Variants in SMC1B observed in about 807,000 individuals in gnomAD.
The protein encoded by SMC1B is structural maintenance of chromosomes 1B.
A neutral mutation model predicts 157.9 loss-of-function variants in SMC1B; 60 were observed. The ratio of observed to expected loss-of-function variants is 0.38; its 90% CI spans 0.31 to 0.47. The LOEUF is 0.47. Ranked by LOEUF, SMC1B falls within the 20% of genes least tolerant of loss-of-function variation. The pLI is 0.99. For missense variants in SMC1B, 1,165 were observed against 1,426.2 expected (o/e 0.82, Z 2.95); for synonymous variants, 445 against 483.0 (o/e 0.92, Z 1.03).
intron 15 of SMC1B, among the ~76,000 whole-genome samples, chr22:45,365,347 G>C (rs2086765312): frequency 6.6e-6 from 1 of 152,142 alleles, no homozygotes; most frequent in African/African-American, 2.4e-5. Flanking sequence ...AGAATACACA[G>C]TGAATAAGCC....
chr22:45,383,435 A>G (rs777703009), intron 12 of SMC1B, 32 bp downstream of exon 12: 3 of 1,535,514 alleles, frequency 2.0e-6, no homozygotes, highest in African/African-American at 2.8e-5. Flanking sequence ...TATTCTACTT[A>G]GTATATTACA....
intron 1 of SMC1B, 21 bp downstream of exon 1, chr22:45,413,438 C>A: frequency 6.4e-7 from 1 of 1,564,830 alleles, no homozygotes; most frequent in South Asian, 1.2e-5. Flanking sequence ...GCTCCGGTGG[C>A]GCCCTGAGCT....
At chr22:45,345,348 T>A in intron 24 of SMC1B, 111 bp downstream of exon 24, 1 of 580,158 alleles carries the variant, frequency 1.7e-6, no homozygotes, top group Non-Finnish European at 3.1e-6. Flanking sequence ...AAAAAGTCAT[T>A]TCAGCATTAG....
rs147727735 is a variant in SMC1B, at chr22:45,380,328, C to T, written c.2058+3139G>A. On this transcript the variant is annotated intron_variant, in intron 12 of 24. Coordinates refer to ENST00000357450, the MANE Select transcript of SMC1B (RefSeq NM_148674.5). Reference sequence around the variant, plus strand: ...TTATTGTGGGCCCTTTCCCACCAAACGTACGTGAAACTCTGTGTGTCCTTT... The same window carrying T: ...TTATTGTGGGCCCTTTCCCACCAAATGTACGTGAAACTCTGTGTGTCCTTT... Among the ~76,000 whole-genome samples, 546 of 152,224 alleles carry T rather than the reference C, an allele frequency of 3.6e-3. 5 individuals are homozygous for T. The highest frequency in any genetic ancestry group is 0.013 in the African/African-American group (524 of 41,548).
chr22:45,356,727 C>CTT (rs1174032906), intron 19 of SMC1B, among the ~76,000 whole-genome samples: 84 of 126,416 alleles, frequency 6.6e-4, no homozygotes, highest in African/African-American at 1.5e-3. Context: ...TTTTTCTTTT[C>CTT]TTTTTTTTTT....
At chr22:45,366,398 G>A (rs1023514314) in intron 15 of SMC1B, among the ~76,000 whole-genome samples, 5 of 152,114 alleles carry the variant, frequency 3.3e-5, no homozygotes, top group African/African-American at 1.2e-4. Flanking sequence ...GTCTAAATAA[G>A]AGGTCCAGGC....
intron 5 of SMC1B, among the ~76,000 whole-genome samples, chr22:45,400,666 G>C (rs543763410): frequency 8.5e-5 from 13 of 152,156 alleles, no homozygotes; most frequent in East Asian, 3.9e-4. Flanking sequence ...AAAGATTATA[G>C]TATGAAAAGG....
rs1450658100 is a variant in SMC1B, at chr22:45,361,958, C to T, written c.2589G>A (p.Val863=). 1.9e-6 allele frequency: 3 copies of T among 1,614,062 alleles called. No homozygotes were observed. The highest frequency in any genetic ancestry group is 1.1e-5 in the South Asian group (1 of 91,052). The part of the protein sequence containing the change: ...KKAEENCLQT[V]NELMAKQQQL... ...GCTGCTGCTTTGCCATGAGTTCATT[C>T]ACTGTCTGCAGACAGTTTTCTTCAG... The change falls in exon 17 of 25, where the codon GTG becomes GTA. Residue 863 remains valine (V), a synonymous_variant. Coordinates refer to ENST00000357450, the MANE Select transcript of SMC1B (RefSeq NM_148674.5).
intron 17 of SMC1B, 34 bp downstream of exon 17, chr22:45,361,805 A>C: frequency 6.2e-7 from 1 of 1,600,394 alleles, no homozygotes; most frequent in Non-Finnish European, 8.5e-7. Context: ...TAAAACTCTG[A>C]CTAGGTCTTT....
chr22:45,394,543 G>T, intron 8 of SMC1B, 142 bp downstream of exon 8: 1 of 978,896 alleles, frequency 1.0e-6, no homozygotes, highest in Admixed American at 4.4e-5. Flanking sequence ...GGCTGAGGTA[G>T]GAGCGTCATG....
chr22:45,366,999 C>T lies in SMC1B; in HGVS notation c.2420+2955G>A, dbSNP rs549709483. Among the ~76,000 whole-genome samples, 11 of 152,272 alleles carry T rather than the reference C, an allele frequency of 7.2e-5. 1 individual carries two copies. The highest frequency in any genetic ancestry group is 7.2e-4 in the Admixed American group (11 of 15,290). ...GCATTTCAATCTCTTTGTTAAGCTT[C>T]TCCGATAAATTTCTGAGTTGCTTTT... On this transcript the variant is annotated intron_variant, in intron 15 of 24. Transcript: ENST00000357450.
chr22:45,413,090 G>A (rs984176666), intron 1 of SMC1B, among the ~76,000 whole-genome samples: 1 of 152,096 alleles, frequency 6.6e-6, no homozygotes, highest in Non-Finnish European at 1.5e-5. Context: ...CTGAGATGAA[G>A]GGCGAGGGCC....
chr22:45,356,930 G>A (rs1367380189), intron 19 of SMC1B, among the ~76,000 whole-genome samples: 1 of 151,710 alleles, frequency 6.6e-6, no homozygotes, highest in Non-Finnish European at 1.5e-5. Context: ...ACAGGGTTTC[G>A]TCATGTTGGC....
Position 45,399,287 on chromosome 22 carries a change from G to T in SMC1B, c.921C>A (p.His307Gln). 6.2e-7 allele frequency: 1 copy of T among 1,613,856 alleles called. No homozygotes were observed. The highest frequency in any genetic ancestry group is 8.5e-7 in the Non-Finnish European group (1 of 1,179,774). The stretch of plus-strand genomic sequence containing the variant: ...TAGCCACATCTAATTTCTTAAGGTG[G>T]TGAGAAGTGTTTTCTTTGGCTTTAA... ...QYIKAKENTS[H>Q]HLKKLDVAKK... is the part of the protein sequence containing the mutation. The change falls in exon 6 of 25, where the codon CAC becomes CAA. Residue 307 changes from histidine to glutamine, a missense_variant. Coordinates refer to ENST00000357450, the MANE Select transcript of SMC1B (RefSeq NM_148674.5).
At position 45,389,001 on chromosome 22, in the gene SMC1B, A is replaced by AAAAG. The variant is rs2087025345; in HGVS notation, c.1731+707_1731+710dup. On this transcript the variant is annotated intron_variant, in intron 10 of 24. Transcript: ENST00000357450. ...GACTCTGCCTCAAAAAAAAAAAAAA[A>AAAAG]AAAGAAAAAGAAAAAAGAAAAAAAA... is the stretch of plus-strand genomic sequence containing the variant. Among the ~76,000 whole-genome samples the AAAAG allele has an allele frequency of 2.8e-5, 4 of 143,140 alleles. 1 individual carries two copies. Among genetic ancestry groups the AAAAG allele is most frequent in the African/African-American group, 1.2e-4 (4 of 34,066 alleles). The allele number at this position is 143,140 out of a possible 152,430, so 93.9% of individuals were successfully genotyped here. A position where few individuals can be genotyped will look rare whatever the true frequency, so the allele number is the denominator to read the frequency against.
intron 19 of SMC1B, among the ~76,000 whole-genome samples, chr22:45,356,876 C>T (rs112600039): frequency 0.019 from 2,852 of 151,798 alleles, 107 homozygotes; most frequent in African/African-American, 0.065. Flanking sequence ...ATTACAGGCA[C>T]GTGCCACTGT....
chr22:45,381,879 T>C (rs9614465), intron 12 of SMC1B, among the ~76,000 whole-genome samples: 2,675 of 152,298 alleles, frequency 0.018, 30 homozygotes, highest in Non-Finnish European at 0.026. Flanking sequence ...CCAAAATATA[T>C]GCTTGAATCA....
At chr22:45,411,950 C>T (rs577721110) in intron 1 of SMC1B, among the ~76,000 whole-genome samples, 1 of 152,102 alleles carries the variant, frequency 6.6e-6, no homozygotes, top group African/African-American at 2.4e-5. Context: ...ACAGTCTTGG[C>T]TCACTGCAAC....
intron 10 of SMC1B, 135 bp from the exon 11 acceptor site, chr22:45,387,181 C>CA: frequency 4.1e-6 from 3 of 729,156 alleles, no homozygotes; most frequent in Non-Finnish European, 6.4e-6. Context: ...AGGCGTGATG[C>CA]TCACGCCTGT....
Sources: gnomAD v4.1 joint callset for allele counts (sites outside exome capture counted in the v4.1 genomes callset) on GRCh38, gnomAD v4.1.1 for gene constraint, MANE v1.5 for transcripts, NCBI Gene and HGNC (gene_info 2026-07-23, HGNC 2026-07-21) for gene names.